TTC27: variants seen among roughly 807,000 people sequenced by gnomAD.
The protein encoded by TTC27 is tetratricopeptide repeat protein 27.
TTC27 carries 79 observed loss-of-function variants against 115.9 expected under a neutral mutation model. The observed-to-expected ratio is 0.68, with a 90% CI of 0.57 to 0.82. The LOEUF is 0.82. Among genes scored for constraint, TTC27 ranks in the 40% least tolerant of loss-of-function variants. TTC27 has a pLI of 0.00. For missense variants in TTC27, 1,054 were observed against 993.1 expected, an observed-to-expected ratio of 1.06 and a Z score of -0.82; for synonymous variants, 401 against 356.0, an observed-to-expected ratio of 1.13 and a Z score of -1.42.
At chr2:32,793,844 T>G (rs550552637) in intron 16 of TTC27, among the ~76,000 whole-genome samples, 3 of 152,278 alleles carry the variant, frequency 2.0e-5, no homozygotes, top group Admixed American at 1.3e-4. Flanking sequence ...TTTTTTTAAC[T>G]GTACTCTTTG....
At chr2:32,791,622 T>TG (rs1670540358) in intron 16 of TTC27, among the ~76,000 whole-genome samples, 1 of 152,176 alleles carries the variant, frequency 6.6e-6, no homozygotes, top group Admixed American at 6.5e-5. Flanking sequence ...TTGAAGTCTG[T>TG]GGGGGAAGAT....
intron 16 of TTC27, 62 bp downstream of exon 16, chr2:32,787,211 A>G (rs956721857): frequency 2.1e-5 from 32 of 1,524,814 alleles, no homozygotes; most frequent in African/African-American, 2.8e-5. Context: ...ATCATATGGT[A>G]TAAATTATTT....
chr2:32,657,026 C>A lies in TTC27; in HGVS notation c.640+6793C>A, dbSNP rs1665350073. 4.8e-5 allele frequency among the ~76,000 whole-genome samples: 7 copies of A among 146,724 alleles called. No individual in the cohort carries two copies. In the South Asian group the frequency reaches 1.5e-3, roughly 31 times the overall value. On this transcript the variant is annotated intron_variant, in intron 5 of 19. Transcript: ENST00000317907. Reference sequence around the variant, plus strand: ...TTTGAGACGGAATCTTGCTCTGTTGCCCAGGCTGGAGTACAGTGGCACGAT... The same window carrying A: ...TTTGAGACGGAATCTTGCTCTGTTGACCAGGCTGGAGTACAGTGGCACGAT...
intron 9 of TTC27, among the ~76,000 whole-genome samples, chr2:32,682,847 G>GTTTTT (rs70938360): frequency 1.0e-3 from 51 of 49,750 alleles, no homozygotes; most frequent in Admixed American, 5.4e-3. Flanking sequence ...TTTTATTGTT[G>GTTTTT]TTTTTTTTTT....
intron 4 of TTC27, among the ~76,000 whole-genome samples, chr2:32,648,458 A>G (rs866506244): frequency 1.5e-5 from 2 of 132,890 alleles, no homozygotes; most frequent in South Asian, 2.5e-4. Flanking sequence ...TTTTTTTTTT[A>G]AAACAGACTT....
chr2:32,678,079 A>G (rs1170537752), intron 8 of TTC27, among the ~76,000 whole-genome samples: 1 of 152,074 alleles, frequency 6.6e-6, no homozygotes, highest in Non-Finnish European at 1.5e-5. Context: ...AACACAGTGA[A>G]ACTCCATTTC....
At chr2:32,716,827 A>G (rs1667768088) in intron 10 of TTC27, among the ~76,000 whole-genome samples, 1 of 149,454 alleles carries the variant, frequency 6.7e-6, no homozygotes, top group African/African-American at 2.5e-5. Context: ...CTCAGTAGCT[A>G]GGACCATAGA....
chr2:32,790,718 C>A (rs1670506824), intron 16 of TTC27, among the ~76,000 whole-genome samples: 2 of 151,814 alleles, frequency 1.3e-5, no homozygotes, highest in African/African-American at 4.8e-5. Flanking sequence ...TTCCTCCCCA[C>A]CCCACCTCCA....
chr2:32,673,225 A>AT (rs35513295), intron 8 of TTC27, among the ~76,000 whole-genome samples: 100,447 of 132,376 alleles, frequency 0.76, 38,153 homozygotes, highest in Middle Eastern at 0.84. Context: ...CACCTTATGC[A>AT]TTTTTTTTTT....
At chr2:32,731,786 C>T (rs1668300979) in intron 10 of TTC27, among the ~76,000 whole-genome samples, 1 of 152,092 alleles carries the variant, frequency 6.6e-6, no homozygotes, top group Admixed American at 6.6e-5. Context: ...TGGTCTTTGC[C>T]ATTTTGGAGA....
At chr2:32,720,538 T>G (rs539388167) in intron 10 of TTC27, among the ~76,000 whole-genome samples, 72 of 152,292 alleles carry the variant, frequency 4.7e-4, no homozygotes, top group African/African-American at 1.7e-3. Context: ...AGGAACAGAA[T>G]AGTCACTGTG....
In TTC27 at chr2:32,678,779, T is replaced by C. The variant is rs1666316671; in HGVS notation, c.1053-77T>C. On this transcript the variant is annotated intron_variant, in intron 8 of 19. Coordinates refer to ENST00000317907, the MANE Select transcript of TTC27 (RefSeq NM_017735.5). Reference sequence around the variant, plus strand: ...AATATATAAAATATAGCAGTTTACTTTGCTTTTTAAAAATTATATTTCATT... The same window carrying C: ...AATATATAAAATATAGCAGTTTACTCTGCTTTTTAAAAATTATATTTCATT... 34 of 1,102,318 alleles carry C rather than the reference T, an allele frequency of 3.1e-5. 3 individuals are homozygous for C. In the South Asian group the frequency reaches 4.4e-4, roughly 14 times the overall value. The allele number at this position is 1,102,318 out of a possible 1,614,324, so 68.3% of individuals were successfully genotyped here. A position where few individuals can be genotyped will look rare whatever the true frequency, so the allele number is the denominator to read the frequency against.
At chr2:32,767,219 A>G (rs1022325770) in intron 13 of TTC27, among the ~76,000 whole-genome samples, 2 of 152,202 alleles carry the variant, frequency 1.3e-5, no homozygotes, top group Non-Finnish European at 2.9e-5. Context: ...ATAATTTGTA[A>G]GAAACTTTTG....
intron 3 of TTC27, among the ~76,000 whole-genome samples, chr2:32,638,305 A>G (rs916648993): frequency 2.0e-5 from 3 of 152,124 alleles, no homozygotes; most frequent in African/African-American, 7.2e-5. Context: ...TTATTCCTCT[A>G]TTACACTCTT....
intron 9 of TTC27, among the ~76,000 whole-genome samples, chr2:32,691,360 G>A (rs971690064): frequency 6.7e-6 from 1 of 149,850 alleles, no homozygotes; most frequent in African/African-American, 2.5e-5. Flanking sequence ...GTGCAATGGC[G>A]CAATCTCGGC....
chr2:32,770,247 A>G (rs941106630), intron 13 of TTC27, among the ~76,000 whole-genome samples: 3 of 152,310 alleles, frequency 2.0e-5, no homozygotes, highest in Middle Eastern at 3.4e-3. Context: ...CATTTTCCAT[A>G]TATTTTTAAT....
intron 10 of TTC27, among the ~76,000 whole-genome samples, chr2:32,715,438 T>G (rs58595771): frequency 0.01 from 1,563 of 152,260 alleles, 20 homozygotes; most frequent in African/African-American, 0.036. Flanking sequence ...TGTGTGTCTG[T>G]TTTTTGTACC....
At chr2:32,667,403 ACC>A (rs1479206252) in intron 7 of TTC27, among the ~76,000 whole-genome samples, 3 of 133,912 alleles carry the variant, frequency 2.2e-5, no homozygotes, top group Admixed American at 7.6e-5. Flanking sequence ...GATCCCAGAA[ACC>A]CCCAACTACT....
At chr2:32,799,986 G>T (rs1670864491) in intron 16 of TTC27, among the ~76,000 whole-genome samples, 1 of 152,196 alleles carries the variant, frequency 6.6e-6, no homozygotes, top group South Asian at 2.1e-4. Context: ...GCCCATTTCT[G>T]CCAGTCACTG....
Sources: allele counts gnomAD v4.1 joint callset (sites outside exome capture counted in the v4.1 genomes callset), GRCh38; gene constraint gnomAD v4.1.1; transcripts MANE v1.5; gene names NCBI Gene and HGNC (gene_info 2026-07-23, HGNC 2026-07-21).